Variants in PEX13 observed in about 807,000 individuals in gnomAD.
PEX13 encodes peroxisomal biogenesis factor 13, also known as peroxisome biogenesis factor 13.
Under a neutral mutation model 34.5 loss-of-function variants are expected in PEX13, and 28 were observed. The observed-to-expected ratio is 0.81, with a 90% CI of 0.60 to 1.11. PEX13 has a LOEUF of 1.11. PEX13 is among the 50% of genes most tolerant of loss of function. The pLI is 0.00. For synonymous variants in PEX13, 177 were observed against 175.1 expected (o/e 1.01, Z -0.09); for missense variants, 550 against 491.0 (o/e 1.12, Z -1.13).
intron 2 of PEX13, among the ~76,000 whole-genome samples, chr2:61,043,965 T>C (rs1680666045): frequency 6.6e-6 from 1 of 152,212 alleles, no homozygotes; most frequent in South Asian, 2.1e-4. Flanking sequence ...TGAGTTCTTT[T>C]TGGAGACAGG....
intron 1 of PEX13, among the ~76,000 whole-genome samples, chr2:61,021,915 A>G (rs942154192): frequency 1.3e-5 from 2 of 152,204 alleles, no homozygotes; most frequent in Admixed American, 6.5e-5. Flanking sequence ...GCAAACTCCA[A>G]CAGACCTGCA....
At chr2:61,043,039 T>C (rs1439842876) in intron 2 of PEX13, among the ~76,000 whole-genome samples, 2 of 152,324 alleles carry the variant, frequency 1.3e-5, no homozygotes, top group East Asian at 3.9e-4. Flanking sequence ...CTCTCTCGCA[T>C]GCACTCTTTT....
At chr2:61,035,407 C>G (rs151095286) in intron 2 of PEX13, among the ~76,000 whole-genome samples, 14 of 152,110 alleles carry the variant, frequency 9.2e-5, no homozygotes, top group Non-Finnish European at 1.9e-4. Flanking sequence ...AAAACCAGAG[C>G]GCCTCTTCTC....
At chr2:61,047,348 C>T (rs552593149) in intron 3 of PEX13, among the ~76,000 whole-genome samples, 1 of 152,068 alleles carries the variant, frequency 6.6e-6, no homozygotes, top group South Asian at 2.1e-4. Context: ...TAGAGACAGG[C>T]GTTCACCATG....
rs1207829224 is a variant in PEX13 at position 61,031,967 on chromosome 2, G to C, written c.641G>C (p.Ser214Thr). 1 of 1,614,088 alleles carries C rather than the reference G, an allele frequency of 6.2e-7. No homozygotes were observed. The highest frequency in any genetic ancestry group is 8.5e-7 in the Non-Finnish European group (1 of 1,179,944). Reference sequence around the variant, plus strand: ...GAGAATGAAGACCTCTGGGCAGAGAGTGAAGGAACTGTGGCATGCCTTGGT... The same window carrying C: ...GAGAATGAAGACCTCTGGGCAGAGACTGAAGGAACTGTGGCATGCCTTGGT... Reference protein sequence around the residue: ...GSENEDLWAESEGTVACLGAE... With the variant: ...GSENEDLWAETEGTVACLGAE... The change falls in exon 2 of 4, where the codon AGT (serine) becomes ACT (threonine). Residue 214 changes from serine (S) to threonine (T), a missense_variant. Ser to Thr is a moderately conservative substitution (Grantham distance 58). Transcript: ENST00000295030.
intron 2 of PEX13, 88 bp from the exon 3 acceptor site, chr2:61,045,638 A>G (rs1175632468): frequency 1.6e-6 from 2 of 1,222,542 alleles, no homozygotes; most frequent in Non-Finnish European, 2.4e-6. Flanking sequence ...CTCTTGGCAA[A>G]TTTATGCAGT....
At position 61,017,726 on chromosome 2, in the gene PEX13, G is replaced by A; in HGVS notation, c.-34G>A. ...GGTCTACGCGGGCCTGGACAGTCAG[G>A]GGTAGGAGCGGGAGCCGAGAGGAGG... On this transcript the variant is annotated 5_prime_UTR_variant, in exon 1 of 4. Coordinates refer to ENST00000295030, the MANE Select transcript of PEX13 (RefSeq NM_002618.4). The A allele has an allele frequency of 6.5e-7, 1 of 1,529,738 alleles. No homozygotes were observed. The highest frequency in any genetic ancestry group is 8.9e-7 in the Non-Finnish European group (1 of 1,129,666). 94.8% of individuals were successfully genotyped at this position (1,529,738 alleles called of 1,614,324 possible).
At chr2:61,030,736 C>T (rs576219338) in intron 1 of PEX13, among the ~76,000 whole-genome samples, 1 of 152,016 alleles carries the variant, frequency 6.6e-6, no homozygotes, top group Non-Finnish European at 1.5e-5. Context: ...TCTGCTGGTT[C>T]AGAGTTCACA....
Position 61,021,235 on chromosome 2 carries a change from G to A in PEX13, c.92+3384G>A, listed in dbSNP as rs186882665. 1.4e-4 allele frequency among the ~76,000 whole-genome samples: 22 copies of A among 152,142 alleles called. No individual in the cohort carries two copies. The East Asian group carries it at 1.7e-3, about 12-fold the overall frequency. On this transcript the variant is annotated intron_variant, in intron 1 of 3. Coordinates refer to ENST00000295030, the MANE Select transcript of PEX13 (RefSeq NM_002618.4). ...CGGGGCATCACCTCACCCAGGAAGC[G>A]CAAGGGATTGGGGGATTTCCCTTTC...
rs750534894 is a variant in PEX13 at position 61,017,724 on chromosome 2, A to G, written c.-36A>G. 2.0e-6 allele frequency: 3 copies of G among 1,524,766 alleles called. No homozygotes were observed. The highest frequency in any genetic ancestry group is 2.8e-5 in the African/African-American group (2 of 72,542). 94.5% of individuals were successfully genotyped at this position (1,524,766 alleles called of 1,614,324 possible). On this transcript the variant is annotated 5_prime_UTR_variant, in exon 1 of 4. Transcript: ENST00000295030. ...CTGGTCTACGCGGGCCTGGACAGTC[A>G]GGGGTAGGAGCGGGAGCCGAGAGGA... is the stretch of plus-strand genomic sequence containing the variant.
chr2:61,021,283 G>A lies in PEX13; in HGVS notation c.92+3432G>A, dbSNP rs1680256893. Among the ~76,000 whole-genome samples, 7 of 152,262 alleles carry A rather than the reference G, an allele frequency of 4.6e-5. No homozygotes were observed. The South Asian group carries it at 1.5e-3, about 32-fold the overall frequency. On this transcript the variant is annotated intron_variant, in intron 1 of 3. Coordinates refer to ENST00000295030, the MANE Select transcript of PEX13 (RefSeq NM_002618.4). ...TTCCTAACCAAGGGATGCCGTGACA[G>A]ACTATACCTGGAAAAATGGGACACT... is the stretch of plus-strand genomic sequence containing the variant.
chr2:61,034,683 G>A (rs1002142593), intron 2 of PEX13, among the ~76,000 whole-genome samples: 7 of 152,244 alleles, frequency 4.6e-5, no homozygotes, highest in African/African-American at 1.4e-4. Flanking sequence ...CAGGTCCCAT[G>A]CCCACGGAGC....
intron 1 of PEX13, chr2:61,018,276 CGAG>C: frequency 6.4e-7 from 1 of 1,550,590 alleles, no homozygotes; most frequent in Non-Finnish European, 8.7e-7. Context: ...GTTAACCTCT[CGAG>C]AAGTTGCTGA....
In PEX13 at chr2:61,048,724, T is replaced by G; in HGVS notation, c.1166T>G (p.Val389Gly). 6.2e-7 allele frequency: 1 copy of G among 1,614,070 alleles called. No homozygotes were observed. The highest frequency in any genetic ancestry group is 8.5e-7 in the Non-Finnish European group (1 of 1,179,906). Residue 389 changes from valine (V) to glycine (G), a missense_variant, in exon 4 of 4, where the codon GTT (valine) becomes GGT (glycine). Transcript: ENST00000295030. ...SVFVETNKVP[V>G]APDSIGKDGE... ...TTTGTTGAAACTAATAAGGTTCCAG[T>G]TGCACCTGATTCCATTGGGAAAGAT...
intron 1 of PEX13, among the ~76,000 whole-genome samples, chr2:61,022,488 A>G (rs1158832777): frequency 1.3e-5 from 2 of 152,248 alleles, no homozygotes; most frequent in African/African-American, 2.4e-5. Flanking sequence ...GAAAATGTTT[A>G]TTGTATCAAC....
intron 2 of PEX13, 146 bp downstream of exon 2, chr2:61,032,259 T>A: frequency 3.0e-6 from 2 of 664,130 alleles, no homozygotes; most frequent in Admixed American, 5.4e-5. Context: ...GGCAGAGGAA[T>A]ATATAGCAAA....
intron 1 of PEX13, 124 bp downstream of exon 1, chr2:61,017,975 G>T: frequency 7.6e-7 from 1 of 1,322,188 alleles, no homozygotes; most frequent in Non-Finnish European, 1.0e-6. Flanking sequence ...CCAACCTTGG[G>T]GATAGGGGCC....
chr2:61,021,879 C>T (rs1680270531), intron 1 of PEX13, among the ~76,000 whole-genome samples: 1 of 152,208 alleles, frequency 6.6e-6, no homozygotes, highest in Non-Finnish European at 1.5e-5. Flanking sequence ...GATACCCAGG[C>T]AAACAGGGTC....
At chr2:61,020,349 A>T in intron 1 of PEX13, among the ~76,000 whole-genome samples, 1 of 150,862 alleles carries the variant, frequency 6.6e-6, no homozygotes, top group African/African-American at 2.4e-5. Flanking sequence ...TTCCTTTTAC[A>T]TTTTCCAGTT....
Sources: gnomAD v4.1 joint callset for allele counts (sites outside exome capture counted in the v4.1 genomes callset) on GRCh38, gnomAD v4.1.1 for gene constraint, MANE v1.5 for transcripts, NCBI Gene and HGNC (gene_info 2026-07-23, HGNC 2026-07-21) for gene names.